POLR3H: variants seen among roughly 807,000 people sequenced by gnomAD.
POLR3H encodes RNA polymerase III subunit H, also known as DNA-directed RNA polymerase III subunit RPC8.
POLR3H carries 17 observed loss-of-function variants against 25.5 expected under a neutral mutation model. That is an observed-to-expected ratio of 0.67 (90% CI 0.46 to 1.00). The LOEUF is 1.00. Among genes scored for constraint, POLR3H ranks in the 50% least tolerant of loss-of-function variants. POLR3H has a pLI of 0.00. For synonymous variants in POLR3H, 129 were observed against 103.0 expected, an observed-to-expected ratio of 1.25 and a Z score of -1.53; for missense variants, 274 against 265.0, an observed-to-expected ratio of 1.03 and a Z score of -0.24.
intron 5 of POLR3H, 138 bp downstream of exon 5, chr22:41,530,549 G>C (rs909978945): frequency 1.3e-6 from 1 of 760,586 alleles, no homozygotes; most frequent in Non-Finnish European, 2.1e-6. Context: ...AGGGAGAAGT[G>C]ACCAGCCAAG....
chr22:41,538,333 C>T (rs1262442687), intron 2 of POLR3H, among the ~76,000 whole-genome samples: 2 of 152,014 alleles, frequency 1.3e-5, no homozygotes, highest in Non-Finnish European at 2.9e-5. Context: ...CAGGGTTTCA[C>T]CGTGTTAGCC....
At position 41,544,333 on chromosome 22, in the gene POLR3H, G is replaced by A. The variant is rs1220373090; in HGVS notation, c.-232C>T. On this transcript the variant is annotated 5_prime_UTR_variant, in exon 1 of 6. Transcript: ENST00000355209. ...TCTCCGTCCACAGCTCCGGGTGCGC[G>A]CCCGCGCCGCGAGACCCCGCCACGC... 3 of 410,532 alleles carry A rather than the reference G, an allele frequency of 7.3e-6. No homozygotes were observed. Among genetic ancestry groups the A allele is most frequent in the East Asian group, 8.5e-5 (2 of 23,590 alleles). The allele number at this position is 410,532 out of a possible 1,614,324, so 25.4% of individuals were successfully genotyped here. A position where few individuals can be genotyped will look rare whatever the true frequency, so the allele number is the denominator to read the frequency against.
intron 5 of POLR3H, among the ~76,000 whole-genome samples, chr22:41,530,092 A>T (rs1217466981): frequency 1.3e-5 from 2 of 151,270 alleles, no homozygotes; most frequent in East Asian, 3.9e-4. Flanking sequence ...ATCTCTCCCA[A>T]GCCCCTTCCT....
intron 2 of POLR3H, among the ~76,000 whole-genome samples, chr22:41,535,432 G>C (rs1475259490): frequency 6.6e-6 from 1 of 152,254 alleles, no homozygotes; most frequent in Non-Finnish European, 1.5e-5. Flanking sequence ...TGCTGGATCT[G>C]CAGTTCATCT....
intron 4 of POLR3H, 124 bp downstream of exon 4, chr22:41,531,969 AG>A: frequency 1.3e-6 from 1 of 791,644 alleles, no homozygotes; most frequent in Non-Finnish European, 2.1e-6. Flanking sequence ...AGCACAGGCG[AG>A]GGGCAGGCAC....
chr22:41,542,641 AC>A (rs1391431327), intron 1 of POLR3H, among the ~76,000 whole-genome samples: 4 of 152,022 alleles, frequency 2.6e-5, no homozygotes, highest in African/African-American at 9.7e-5. Context: ...TCAACTGTGG[AC>A]CCTTCTCATT....
chr22:41,533,922 T>C (rs2066795221), intron 2 of POLR3H, among the ~76,000 whole-genome samples: 1 of 152,172 alleles, frequency 6.6e-6, no homozygotes, highest in South Asian at 2.1e-4. Flanking sequence ...GCAGATCACC[T>C]GAGGTCAGGA....
At position 41,532,689 on chromosome 22, in the gene POLR3H, T is replaced by C. The variant is rs2066762398; in HGVS notation, c.265A>G (p.Ile89Val). The change falls in exon 3 of 6, where the codon ATC (isoleucine) becomes GTC (valine). Residue 89 changes from isoleucine to valine, a missense_variant. Coordinates refer to ENST00000355209, the MANE Select transcript of POLR3H (RefSeq NM_001018050.4). ...ACTCCTTCTGGGCTGCAGCCTTTGA[T>C]CTTCCCAATGAGAATCTCATCTAGG... ...PFLDEILIGK[I>V]KGCSPEGVHV... 6.2e-7 allele frequency: 1 copy of C among 1,614,092 alleles called. No homozygotes were observed. Among genetic ancestry groups the C allele is most frequent in the Non-Finnish European group, 8.5e-7 (1 of 1,179,982 alleles).
chr22:41,533,754 C>A, intron 2 of POLR3H: 4 of 1,291,850 alleles, frequency 3.1e-6, no homozygotes, highest in Non-Finnish European at 4.1e-6. Flanking sequence ...GCTGACCTCC[C>A]AGAGAGCAGA....
At position 41,531,536 on chromosome 22, in the gene POLR3H, C is replaced by T. The variant is rs548479791; in HGVS notation, c.359+558G>A. On this transcript the variant is annotated intron_variant, in intron 4 of 5. Coordinates refer to ENST00000355209, the MANE Select transcript of POLR3H (RefSeq NM_001018050.4). The stretch of plus-strand genomic sequence containing the variant: ...TGGGTCCTGCCTCTGTGCCAGGTCC[C>T]GTGCTGTGCACCGTGGGTACAGCTG... Among the ~76,000 whole-genome samples the T allele has an allele frequency of 2.6e-5, 4 of 152,364 alleles. No individual in the cohort carries two copies. In the South Asian group the frequency reaches 8.3e-4, roughly 32 times the overall value.
chr22:41,542,759 T>C (rs746181114), intron 1 of POLR3H, among the ~76,000 whole-genome samples: 2 of 152,050 alleles, frequency 1.3e-5, no homozygotes, highest in Admixed American at 6.6e-5. Context: ...TTCCAGCACT[T>C]TGGGAGGCTG....
chr22:41,533,442 A>G (rs2066783226), intron 2 of POLR3H: 1 of 1,069,956 alleles, frequency 9.3e-7, no homozygotes, highest in Non-Finnish European at 1.2e-6. Flanking sequence ...CACCGTGAGG[A>G]TAAGGCAGTG....
chr22:41,528,075 T>A lies in POLR3H; in HGVS notation c.*1208A>T. The A allele has an allele frequency of 6.2e-7, 1 of 1,612,060 alleles. No individual in the cohort carries two copies. Among genetic ancestry groups the A allele is most frequent in the Non-Finnish European group, 8.5e-7 (1 of 1,179,462 alleles). On this transcript the variant is annotated 3_prime_UTR_variant, in exon 6 of 6. Transcript: ENST00000355209. ...GTGGGGTGAGGGGCAGCCACCTTGT[T>A]TCCCCTCCTGCACTGGCCCCAGGGT...
chr22:41,543,715 A>C (rs1294518790), intron 1 of POLR3H: 2 of 588,520 alleles, frequency 3.4e-6, no homozygotes, highest in South Asian at 3.2e-5. Context: ...CCATTTTAAA[A>C]ATGGAAACTG....
chr22:41,541,620 T>C (rs919840008), intron 1 of POLR3H, among the ~76,000 whole-genome samples: 1 of 152,236 alleles, frequency 6.6e-6, no homozygotes, highest in Non-Finnish European at 1.5e-5. Context: ...ACCATGGATT[T>C]CTGTGTGGGC....
At position 41,540,744 on chromosome 22, in the gene POLR3H, C is replaced by G; in HGVS notation, c.163G>C (p.Glu55Gln). The G allele has an allele frequency of 6.2e-7, 1 of 1,614,172 alleles. No individual in the cohort carries two copies. The highest frequency in any genetic ancestry group is 8.5e-7 in the Non-Finnish European group (1 of 1,180,022). Residue 55 changes from glutamate (E) to glutamine (Q), a missense_variant, in exon 2 of 6, where the codon GAG becomes CAG. By Grantham distance (29) the Glu-to-Gln change is conservative. Coordinates refer to ENST00000355209, the MANE Select transcript of POLR3H (RefSeq NM_001018050.4). The part of the protein sequence containing the change: ...CICLFDITKL[E>Q]DAYVFPGDGA... ...TCCCCAGGGAATACATAGGCATCCT[C>G]CAGTTTGGTGATATCAAACAGACAA...
Position 41,526,531 on chromosome 22 carries a change from G to A in POLR3H, c.*2752C>T, listed in dbSNP as rs931324466. 3.3e-6 allele frequency: 5 copies of A among 1,494,902 alleles called. No individual in the cohort carries two copies. In the Admixed American group the frequency reaches 7.8e-5, roughly 23 times the overall value. 92.6% of individuals were successfully genotyped at this position (1,494,902 alleles called of 1,614,324 possible). On this transcript the variant is annotated 3_prime_UTR_variant, in exon 6 of 6. Coordinates refer to ENST00000355209, the MANE Select transcript of POLR3H (RefSeq NM_001018050.4). ...CAAGGCAGGTGCAGGGAGGACATTA[G>A]GGGAGTGGAAACTGGGAAGGAGGCC...
rs1373205177 is a variant in POLR3H at position 41,528,460 on chromosome 22, A to AC, written c.*822dup. On this transcript the variant is annotated 3_prime_UTR_variant, in exon 6 of 6. Coordinates refer to ENST00000355209, the MANE Select transcript of POLR3H (RefSeq NM_001018050.4). ...CACAGTACCCACCACTTCCACCCAC[A>AC]CCCACCTTCTCCTTGCAGCCCCTGA... 1 of 1,610,772 alleles carries AC rather than the reference A, an allele frequency of 6.2e-7. No individual in the cohort carries two copies. Among genetic ancestry groups the AC allele is most frequent in the Non-Finnish European group, 8.5e-7 (1 of 1,179,514 alleles).
In POLR3H at chr22:41,526,153, T is replaced by C. The variant is rs1049565793; in HGVS notation, c.*3130A>G. On this transcript the variant is annotated 3_prime_UTR_variant, in exon 6 of 6. Transcript: ENST00000355209. ...TGAAGACTTGCCTGCCTCTCACCCC[T>C]CTGTCACCCCTCCTGGGCCCCGGGG... The C allele has an allele frequency of 6.3e-6, 6 of 959,462 alleles. No individual in the cohort carries two copies. Among genetic ancestry groups the C allele is most frequent in the African/African-American group, 1.6e-5 (1 of 60,878 alleles). 59.4% of individuals were successfully genotyped at this position (959,462 alleles called of 1,614,324 possible).
Sources: gnomAD v4.1 joint callset for allele counts (sites outside exome capture counted in the v4.1 genomes callset) on GRCh38, gnomAD v4.1.1 for gene constraint, MANE v1.5 for transcripts, NCBI Gene and HGNC (gene_info 2026-07-23, HGNC 2026-07-21) for gene names.